PTPRK: variants seen among roughly 807,000 people sequenced by gnomAD.
PTPRK encodes the protein protein tyrosine phosphatase receptor type K, also known as receptor-type tyrosine-protein phosphatase kappa.
PTPRK carries 75 observed loss-of-function variants against 178.0 expected under a neutral mutation model. The ratio of observed to expected loss-of-function variants is 0.42; its 90% CI spans 0.35 to 0.51. The LOEUF (loss-of-function observed/expected upper bound fraction) is 0.51. PTPRK is among the 20% of genes least tolerant of loss of function. PTPRK has a pLI of 0.02. For synonymous variants in PTPRK, 637 were observed against 620.6 expected (o/e 1.03, Z -0.39); for missense variants, 1,441 against 1,797.8 (o/e 0.80, Z 3.59).
At position 128,462,625 on chromosome 6, in the gene PTPRK, T is replaced by TTTTATTTATTTA. The variant is rs201968289; in HGVS notation, c.100+57622_100+57633dup. ...GCTATCTGGGAAAAAAGTAGGTATA[T>TTTTATTTATTTA]TTTATTTATTTATTTATTTATTTAT... On this transcript the variant is annotated intron_variant, in intron 1 of 29. Coordinates refer to ENST00000368226, the MANE Select transcript of PTPRK (RefSeq NM_002844.4). Among the ~76,000 whole-genome samples, 158 of 143,012 alleles carry TTTTATTTATTTA rather than the reference T, an allele frequency of 1.1e-3. 1 individual carries two copies. The highest frequency in any genetic ancestry group is 7.2e-3 in the Middle Eastern group (2 of 278). The allele number at this position is 143,012 out of a possible 152,430, so 93.8% of individuals were successfully genotyped here.
intron 6 of PTPRK, among the ~76,000 whole-genome samples, chr6:128,217,794 T>C (rs1242169816): frequency 6.6e-6 from 1 of 152,072 alleles, no homozygotes; most frequent in Non-Finnish European, 1.5e-5. Flanking sequence ...CTTCAGATCC[T>C]TACTCAAAGA....
intron 2 of PTPRK, among the ~76,000 whole-genome samples, chr6:128,377,573 G>T (rs564361581): frequency 6.6e-6 from 1 of 152,048 alleles, no homozygotes; most frequent in Non-Finnish European, 1.5e-5. Context: ...TGACTTGTAA[G>T]TAATAGACAA....
At chr6:128,200,742 C>T (rs1010245120) in intron 6 of PTPRK, among the ~76,000 whole-genome samples, 2 of 147,198 alleles carry the variant, frequency 1.4e-5, no homozygotes, top group African/African-American at 2.5e-5. Context: ...TTTTCTAATG[C>T]TATTTTATCA....
At chr6:128,429,786 G>T (rs960673993) in intron 1 of PTPRK, among the ~76,000 whole-genome samples, 1 of 152,148 alleles carries the variant, frequency 6.6e-6, no homozygotes, top group African/African-American at 2.4e-5. Flanking sequence ...TCAGTGAGGT[G>T]TGCATTATTA....
At chr6:128,205,299 C>T (rs986131851) in intron 6 of PTPRK, among the ~76,000 whole-genome samples, 2 of 151,912 alleles carry the variant, frequency 1.3e-5, no homozygotes, top group African/African-American at 2.4e-5. Context: ...TCAGGAAGAG[C>T]GGCTAATGGA....
chr6:128,372,861 G>A (rs939506788), intron 2 of PTPRK, among the ~76,000 whole-genome samples: 1 of 151,988 alleles, frequency 6.6e-6, no homozygotes, highest in African/African-American at 2.4e-5. Context: ...ACTATAGCCT[G>A]CCAAATTTTG....
In PTPRK at chr6:127,973,053, C is replaced by T; in HGVS notation, c.4238G>A (p.Arg1413Lys). 5 of 1,614,040 alleles carry T rather than the reference C, an allele frequency of 3.1e-6. No homozygotes were observed. Among genetic ancestry groups the T allele is most frequent in the Non-Finnish European group, 4.2e-6 (5 of 1,179,958 alleles). Reference sequence around the variant, plus strand: ...TTCCACCATGTTTGGCTTGCTGTTCCTCAGTGTCTTTACTGCATGGAAAAC... The same window carrying T: ...TTCCACCATGTTTGGCTTGCTGTTCTTCAGTGTCTTTACTGCATGGAAAAC... The part of the protein sequence containing the change: ...VDVFHAVKTL[R>K]NSKPNMVEAP... Residue 1413 changes from arginine (R) to lysine (K), a missense_variant, in exon 29 of 30, where the codon AGG (arginine) becomes AAG (lysine). This residue lies in a region of PTPRK where 335 missense variants were observed against 512.4 expected (regional missense o/e 0.65). Coordinates refer to ENST00000368226, the MANE Select transcript of PTPRK (RefSeq NM_002844.4).
chr6:128,174,649 A>T (rs1800796697), intron 7 of PTPRK, among the ~76,000 whole-genome samples: 1 of 151,924 alleles, frequency 6.6e-6, no homozygotes, highest in South Asian at 2.1e-4. Context: ...AAATAGCTCA[A>T]AAGTATCAAA....
intron 7 of PTPRK, among the ~76,000 whole-genome samples, chr6:128,093,416 A>C (rs1787330261): frequency 6.6e-6 from 1 of 151,832 alleles, no homozygotes; most frequent in African/African-American, 2.4e-5. Flanking sequence ...CAACATGGTG[A>C]AACCCCATCT....
chr6:128,493,628 A>T (rs1358172245), intron 1 of PTPRK, among the ~76,000 whole-genome samples: 1 of 150,950 alleles, frequency 6.6e-6, no homozygotes, highest in Non-Finnish European at 1.5e-5. Flanking sequence ...ACACACACAC[A>T]CACACACACA....
At chr6:128,473,404 A>ATTTTTTTTTTTTTTTTTT (rs67418131) in intron 1 of PTPRK, among the ~76,000 whole-genome samples, 1 of 90,872 alleles carries the variant, frequency 1.1e-5, no homozygotes, top group East Asian at 3.5e-4. Context: ...TATGGTTACT[A>ATTTTTTTTTTTTTTTTTT]TTTTTTTTTT....
intron 1 of PTPRK, among the ~76,000 whole-genome samples, chr6:128,512,561 T>G (rs1857344286): frequency 1.3e-5 from 2 of 152,134 alleles, no homozygotes; most frequent in African/African-American, 4.8e-5. Flanking sequence ...GAATAGTAAA[T>G]GGATAACAAA....
chr6:127,983,927 G>T (rs552210007), intron 22 of PTPRK, among the ~76,000 whole-genome samples: 1 of 143,880 alleles, frequency 7.0e-6, no homozygotes, highest in East Asian at 2.0e-4. Flanking sequence ...AGAGAATGAC[G>T]GTTATCAAAG....
chr6:128,375,182 C>G (rs1836880429), intron 2 of PTPRK, among the ~76,000 whole-genome samples: 1 of 150,952 alleles, frequency 6.6e-6, no homozygotes, highest in South Asian at 2.1e-4. Flanking sequence ...AGCCCAAGTG[C>G]CTGGAAGAAT....
intron 1 of PTPRK, among the ~76,000 whole-genome samples, chr6:128,399,901 T>C (rs1367697915): frequency 6.6e-6 from 1 of 152,228 alleles, no homozygotes; most frequent in Non-Finnish European, 1.5e-5. Context: ...TTGAAAATCA[T>C]TACTGGTCTA....
chr6:128,442,000 G>A (rs1202695312), intron 1 of PTPRK, among the ~76,000 whole-genome samples: 1 of 152,090 alleles, frequency 6.6e-6, no homozygotes, highest in Non-Finnish European at 1.5e-5. Context: ...AACTCAGACC[G>A]ATCTAGGAGT....
chr6:128,225,231 T>C (rs1240611149), intron 5 of PTPRK, among the ~76,000 whole-genome samples: 1 of 152,188 alleles, frequency 6.6e-6, no homozygotes, highest in Non-Finnish European at 1.5e-5. Context: ...CTTTCATATA[T>C]CATTGACTAT....
rs571996140 is a variant in PTPRK, at chr6:128,101,222, T to C, written c.1163-11230A>G. On this transcript the variant is annotated intron_variant, in intron 7 of 29. Coordinates refer to ENST00000368226, the MANE Select transcript of PTPRK (RefSeq NM_002844.4). ...CTTAGTATTCACATTTTTTTCTACA[T>C]CCAAATCTAAATTACCAGTTCCAAC... 2.2e-4 allele frequency among the ~76,000 whole-genome samples: 33 copies of C among 152,190 alleles called. 2 individuals are homozygous for C. In the South Asian group the frequency reaches 6.6e-3, roughly 31 times the overall value.
At chr6:128,104,886 A>G (rs1489848555) in intron 7 of PTPRK, among the ~76,000 whole-genome samples, 3 of 152,180 alleles carry the variant, frequency 2.0e-5, no homozygotes, top group Non-Finnish European at 4.4e-5. Flanking sequence ...GGAGAGGAAA[A>G]GGTCATTGTG....
Sources: gnomAD v4.1 joint callset for allele counts (sites outside exome capture counted in the v4.1 genomes callset) on GRCh38, gnomAD v4.1.1 for gene constraint, gnomAD v4.1.1 regional missense constraint, MANE v1.5 for transcripts, NCBI Gene and HGNC (gene_info 2026-07-23, HGNC 2026-07-21) for gene names.